Variants in MED27 observed in about 807,000 individuals in gnomAD.
The protein encoded by MED27 is mediator of RNA polymerase II transcription subunit 27.
Under a neutral mutation model 38.2 loss-of-function variants are expected in MED27, and 30 were observed. The ratio of observed to expected loss-of-function variants is 0.79; its 90% CI spans 0.59 to 1.07. The LOEUF (loss-of-function observed/expected upper bound fraction) is 1.07. MED27 is among the 50% of genes least tolerant of loss of function. The pLI is 0.00. For synonymous variants in MED27, 122 were observed against 153.5 expected, an observed-to-expected ratio of 0.79 and a Z score of 1.52; for missense variants, 289 against 397.5, an observed-to-expected ratio of 0.73 and a Z score of 2.32.
At position 131,897,360 on chromosome 9, in the gene MED27, C is replaced by T. The variant is rs567678991; in HGVS notation, c.574-3368G>A. On this transcript the variant is annotated intron_variant, in intron 4 of 7. Coordinates refer to ENST00000292035, the MANE Select transcript of MED27 (RefSeq NM_004269.4). ...TAATCTGCCAAACTGCTAACCACAACGGTTATGCCAACCAGAAAGGTATGA... is the reference window on the plus strand; with the variant it reads ...TAATCTGCCAAACTGCTAACCACAATGGTTATGCCAACCAGAAAGGTATGA... 4.2e-4 allele frequency among the ~76,000 whole-genome samples: 64 copies of T among 152,234 alleles called. 1 individual carries two copies. Among genetic ancestry groups the T allele is most frequent in the Non-Finnish European group, 5.4e-4 (37 of 68,042 alleles).
At chr9:131,956,002 C>T (rs1259984549) in intron 3 of MED27, among the ~76,000 whole-genome samples, 1 of 152,038 alleles carries the variant, frequency 6.6e-6, no homozygotes, top group Admixed American at 6.5e-5. Context: ...CAAATAGAAT[C>T]CAGCAATATA....
chr9:132,047,629 A>T (rs1344759743), intron 2 of MED27, among the ~76,000 whole-genome samples: 1 of 152,158 alleles, frequency 6.6e-6, no homozygotes, highest in Non-Finnish European at 1.5e-5. Flanking sequence ...TAAGCAAAAG[A>T]TATTTATGCC....
At chr9:132,020,294 A>G (rs1291297429) in intron 2 of MED27, among the ~76,000 whole-genome samples, 1 of 152,172 alleles carries the variant, frequency 6.6e-6, no homozygotes, top group Non-Finnish European at 1.5e-5. Context: ...TCACTGACCA[A>G]AACAGCCAGA....
Position 131,939,397 on chromosome 9 carries a change from G to A in MED27, c.557C>T (p.Thr186Ile). The A allele has an allele frequency of 6.2e-7, 1 of 1,608,932 alleles. No individual in the cohort carries two copies. Among genetic ancestry groups the A allele is most frequent in the Middle Eastern group, 1.7e-4 (1 of 5,994 alleles). The change falls in exon 4 of 8, where the codon ACA (threonine) becomes ATA (isoleucine). Residue 186 changes from threonine to isoleucine, a missense_variant. Thr to Ile is a moderately conservative substitution (Grantham distance 89). Transcript: ENST00000292035. ...TGATCTTACCAGAAGCATTGCTGAT[G>A]TTCCATTGGGTCTGGATAAGTGGAT... ...MSIHLSRPNG[T>I]SAMLLVTLGK...
At chr9:131,971,332 G>A (rs889197132) in intron 3 of MED27, among the ~76,000 whole-genome samples, 2 of 152,334 alleles carry the variant, frequency 1.3e-5, no homozygotes, top group Admixed American at 6.5e-5. Context: ...GAGATTTCCC[G>A]GAACAGCGAA....
At chr9:132,049,028 T>C (rs1346181067) in intron 2 of MED27, among the ~76,000 whole-genome samples, 3 of 152,184 alleles carry the variant, frequency 2.0e-5, no homozygotes, top group Admixed American at 1.3e-4. Context: ...CTTCCTGAAA[T>C]GTGATTAAGC....
chr9:131,989,372 CT>C (rs1376501819), intron 3 of MED27, among the ~76,000 whole-genome samples: 1 of 152,184 alleles, frequency 6.6e-6, no homozygotes, highest in Non-Finnish European at 1.5e-5. Context: ...AGGATTTCTC[CT>C]AACCTTTTAT....
rs942283857 is a variant in MED27 at position 131,872,300 on chromosome 9, G to A, written c.724-9160C>T. ...CTTGAACAGAGACGCTCTTCCTAAC[G>A]CACCTGCTGAGGGCATTATCTGCCA... On this transcript the variant is annotated intron_variant, in intron 6 of 7. Coordinates refer to ENST00000292035, the MANE Select transcript of MED27 (RefSeq NM_004269.4). The surrounding 1 kb of genome is among the most constrained non-coding windows in gnomAD (Gnocchi z 5.6). 1.3e-5 allele frequency among the ~76,000 whole-genome samples: 2 copies of A among 152,228 alleles called. No individual in the cohort carries two copies. Among genetic ancestry groups the A allele is most frequent in the Non-Finnish European group, 2.9e-5 (2 of 68,042 alleles).
intron 2 of MED27, among the ~76,000 whole-genome samples, chr9:132,038,598 A>G (rs1383168708): frequency 1.3e-5 from 2 of 152,212 alleles, no homozygotes; most frequent in African/African-American, 4.8e-5. Flanking sequence ...TAGAAGATAG[A>G]ACATGTTATG....
intron 2 of MED27, among the ~76,000 whole-genome samples, chr9:132,042,940 A>C (rs1373992338): frequency 6.6e-6 from 1 of 152,168 alleles, no homozygotes; most frequent in Non-Finnish European, 1.5e-5. Context: ...CAAATTAGAG[A>C]GGTCAATACA....
At chr9:131,974,341 G>T (rs1190088032) in intron 3 of MED27, among the ~76,000 whole-genome samples, 1 of 152,238 alleles carries the variant, frequency 6.6e-6, no homozygotes, top group Non-Finnish European at 1.5e-5. Context: ...AAGGTACCAG[G>T]CTTAACGGAT....
In MED27 at chr9:132,006,729, A is replaced by G. The variant is rs79279143; in HGVS notation, c.479+7608T>C. Among the ~76,000 whole-genome samples, 1,391 of 152,264 alleles carry G rather than the reference A, an allele frequency of 9.1e-3. 14 individuals carry two copies. The highest frequency in any genetic ancestry group is 0.016 in the Non-Finnish European group (1,067 of 68,014). ...ATGATATAATGGCCAGGAAGCTACG[A>G]GAAGAGACTTGTTTAATGAGCTTCA... On this transcript the variant is annotated intron_variant, in intron 3 of 7. Transcript: ENST00000292035.
intron 2 of MED27, among the ~76,000 whole-genome samples, chr9:132,035,847 C>T (rs1833063844): frequency 6.6e-6 from 1 of 152,108 alleles, no homozygotes; most frequent in Non-Finnish European, 1.5e-5. Flanking sequence ...CACCTTTAGT[C>T]CCAGCTACTT....
intron 6 of MED27, among the ~76,000 whole-genome samples, chr9:131,882,535 A>G (rs969544251): frequency 3.3e-5 from 5 of 152,216 alleles, no homozygotes; most frequent in Admixed American, 6.5e-5. Flanking sequence ...TCGTGGGGAT[A>G]ACTCGGACCA....
At chr9:131,945,219 G>T (rs954202464) in intron 3 of MED27, among the ~76,000 whole-genome samples, 1 of 150,370 alleles carries the variant, frequency 6.7e-6, no homozygotes, top group Non-Finnish European at 1.5e-5. Flanking sequence ...GGCATAGGGG[G>T]TACAAAGAAT....
intron 2 of MED27, among the ~76,000 whole-genome samples, chr9:132,068,106 A>G (rs1312577897): frequency 6.6e-6 from 1 of 152,210 alleles, no homozygotes; most frequent in African/African-American, 2.4e-5. Context: ...AAGCTAGAAG[A>G]ACAAGTGGTG....
chr9:132,028,683 C>G (rs1439902729), intron 2 of MED27, among the ~76,000 whole-genome samples: 1 of 152,062 alleles, frequency 6.6e-6, no homozygotes, highest in East Asian at 1.9e-4. Flanking sequence ...ATTGGAGATA[C>G]CGAACAGGGG....
At chr9:131,893,163 G>C (rs879285453) in intron 5 of MED27, among the ~76,000 whole-genome samples, 16 of 152,316 alleles carry the variant, frequency 1.1e-4, no homozygotes, top group Admixed American at 6.5e-4. Context: ...CATGAGGAAG[G>C]AAAGGCTCCC....
At chr9:131,905,719 AAAAAAAAACAGAAAAAGAAAAAG>A (rs1830046954) in intron 4 of MED27, among the ~76,000 whole-genome samples, 1 of 105,806 alleles carries the variant, frequency 9.5e-6, no homozygotes, top group African/African-American at 3.3e-5. Flanking sequence ...AAAAAAAAAA[AAAAAAAAACAGAAAAAGAAAAAG>A]AAAAAGAAAA....
Sources: gnomAD v4.1 joint callset for allele counts (sites outside exome capture counted in the v4.1 genomes callset) on GRCh38, gnomAD v4.1.1 for gene constraint, Gnocchi (gnomAD v3.1) non-coding constraint, MANE v1.5 for transcripts, NCBI Gene and HGNC (gene_info 2026-07-23, HGNC 2026-07-21) for gene names.